The following CALHM1 variants were observed in gnomAD, a reference collection of about 807,000 sequenced individuals.
The protein encoded by CALHM1 is calcium homeostasis modulator protein 1.
CALHM1 carries 11 observed loss-of-function variants against 14.8 expected under a neutral mutation model. The observed-to-expected ratio is 0.74, with a 90% confidence interval of 0.47 to 1.23. The LOEUF is 1.23. Among genes scored for constraint, CALHM1 ranks in the 50% most tolerant of loss-of-function variants. The pLI, the probability that CALHM1 is intolerant of heterozygous loss-of-function variation, is 0.00. For synonymous variants in CALHM1, 215 were observed against 218.9 expected (o/e 0.98, Z 0.16); for missense variants, 458 against 496.4 (o/e 0.92, Z 0.74).
chr10:103,458,797 C>A lies in CALHM1; in HGVS notation c.-46G>T. ...TCCTCTTCCCAACTCACTGCTGCCTCCAAGAGGGCCCCTGCTGCCCACCCT... is the reference window on the plus strand; with the variant it reads ...TCCTCTTCCCAACTCACTGCTGCCTACAAGAGGGCCCCTGCTGCCCACCCT... On this transcript the variant is annotated 5_prime_UTR_variant, in exon 1 of 2. Transcript: ENST00000329905. The surrounding 1 kb of genome is among the most constrained non-coding windows in gnomAD (Gnocchi z 4.9). 2.6e-6 allele frequency: 4 copies of A among 1,539,628 alleles called. No homozygotes were observed. The highest frequency in any genetic ancestry group is 2.6e-6 in the Non-Finnish European group (3 of 1,146,532).
intron 1 of CALHM1, among the ~76,000 whole-genome samples, chr10:103,456,775 TTTTTA>T (rs1161477128): frequency 9.2e-5 from 14 of 152,206 alleles, no homozygotes; most frequent in Non-Finnish European, 1.5e-5. Flanking sequence ...AAAATTCCGA[TTTTTA>T]TTTTAATCTT....
intron 1 of CALHM1, among the ~76,000 whole-genome samples, chr10:103,457,149 T>A (rs1214459559): frequency 6.6e-6 from 1 of 152,168 alleles, no homozygotes; most frequent in Non-Finnish European, 1.5e-5. Flanking sequence ...AATCTAGAAT[T>A]CAGTCTCTGA....
chr10:103,456,824 C>T (rs1406074300), intron 1 of CALHM1, among the ~76,000 whole-genome samples: 3 of 152,192 alleles, frequency 2.0e-5, no homozygotes, highest in Non-Finnish European at 4.4e-5. Context: ...GGTCTTACTC[C>T]GTTACCCAAG....
Position 103,458,334 on chromosome 10 carries a change from T to C in CALHM1, c.418A>G (p.Asn140Asp). The C allele has an allele frequency of 1.2e-6, 2 of 1,610,940 alleles. No homozygotes were observed. Among genetic ancestry groups the C allele is most frequent in the Non-Finnish European group, 1.7e-6 (2 of 1,178,842 alleles). Reference sequence around the variant, plus strand: ...GGAAGGCCGGGTGCCAGGCTGCCGTTGCCCAGTGCGCTCACGGGCACGGCA... The same window carrying C: ...GGAAGGCCGGGTGCCAGGCTGCCGTCGCCCAGTGCGCTCACGGGCACGGCA... ...CTAVPVSALG[N>D]GSLAPGLPAP... is the part of the protein sequence containing the mutation. Residue 140 changes from asparagine (N) to aspartate (D), a missense_variant, in exon 1 of 2, where the codon AAC becomes GAC. By Grantham distance (23) the Asn-to-Asp change is conservative. Transcript: ENST00000329905. This position sits in a 1 kb window ranked among gnomAD's most constrained non-coding sequence, Gnocchi z 4.9.
At chr10:103,457,802 G>C (rs1164240344) in intron 1 of CALHM1, among the ~76,000 whole-genome samples, 3 of 152,210 alleles carry the variant, frequency 2.0e-5, no homozygotes, top group South Asian at 2.1e-4. Context: ...GCACCAGATG[G>C]GGGCATTTGC....
At chr10:103,457,541 G>A (rs578225264) in intron 1 of CALHM1, among the ~76,000 whole-genome samples, 3 of 152,244 alleles carry the variant, frequency 2.0e-5, no homozygotes, top group Admixed American at 1.3e-4. Flanking sequence ...CAGCTGTGAG[G>A]GCAGGCTGCC....
Position 103,455,581 on chromosome 10 carries a change from G to T in CALHM1, c.722C>A (p.Ala241Asp). ...CTGCTGGATGCAGACCTTGGCAAAG[G>T]CTTTGGCGTGCTCCGTGCACGTCTC... ...FDETCTEHAK[A>D]FAKVCIQQFF... is the part of the protein sequence containing the mutation. The change falls in exon 2 of 2, where the codon GCC (alanine) becomes GAC (aspartate). Residue 241 changes from alanine (A) to aspartate (D), a missense_variant. By Grantham distance (126) the Ala-to-Asp change is moderately radical (BLOSUM62 -2). Transcript: ENST00000329905. 2 of 1,614,054 alleles carry T rather than the reference G, an allele frequency of 1.2e-6. No homozygotes were observed. The highest frequency in any genetic ancestry group is 1.7e-5 in the Admixed American group (1 of 60,026).
In CALHM1 at chr10:103,458,612, C is replaced by T; in HGVS notation, c.140G>A (p.Gly47Asp). The T allele has an allele frequency of 6.2e-7, 1 of 1,613,976 alleles. No homozygotes were observed. The highest frequency in any genetic ancestry group is 1.1e-5 in the South Asian group (1 of 91,088). Residue 47 changes from glycine to aspartate, a missense_variant, in exon 1 of 2, where the codon GGC becomes GAC. By Grantham distance (94) the Gly-to-Asp change is moderately conservative. Coordinates refer to ENST00000329905, the MANE Select transcript of CALHM1 (RefSeq NM_001001412.4). This position sits in a 1 kb window ranked among gnomAD's most constrained non-coding sequence, Gnocchi z 4.9. ...AFDFNCPCLP[G>D]YNAAYSAGIL... ...GCCCGCGCTGTAGGCTGCATTGTAGCCCGGCAGGCAGGGGCAGTTGAAGTC... is the reference window on the plus strand; with the variant it reads ...GCCCGCGCTGTAGGCTGCATTGTAGTCCGGCAGGCAGGGGCAGTTGAAGTC...
At position 103,458,014 on chromosome 10, in the gene CALHM1, G is replaced by A. The variant is rs1018141563; in HGVS notation, c.555+183C>T. On this transcript the variant is annotated intron_variant, in intron 1 of 1. Transcript: ENST00000329905. This position sits in a 1 kb window ranked among gnomAD's most constrained non-coding sequence, Gnocchi z 4.9. Reference sequence around the variant, plus strand: ...CAGAGGGAGCCAAAGCACGTTCTCCGGATGGCCCTGGGCTGAGGGCAGATG... The same window carrying A: ...CAGAGGGAGCCAAAGCACGTTCTCCAGATGGCCCTGGGCTGAGGGCAGATG... 2.0e-5 allele frequency among the ~76,000 whole-genome samples: 3 copies of A among 152,226 alleles called. No homozygotes were observed. The highest frequency in any genetic ancestry group is 4.8e-5 in the African/African-American group (2 of 41,466).
rs1321127002 is a variant in CALHM1 at position 103,455,720 on chromosome 10, T to G, written c.583A>C (p.Thr195Pro). The change falls in exon 2 of 2, where the codon ACC (threonine) becomes CCC (proline). Residue 195 changes from threonine to proline, a missense_variant. Transcript: ENST00000329905. ...QALGWSFVLL[T>P]TLLAFVVRSV... ...CGCACCACGAATGCCAGCAGAGTGG[T>G]CAGCAGCACGAAGGACCAGCCCAGC... is the stretch of plus-strand genomic sequence containing the variant. 6.2e-7 allele frequency: 1 copy of G among 1,612,604 alleles called. No individual in the cohort carries two copies. The highest frequency in any genetic ancestry group is 8.5e-7 in the Non-Finnish European group (1 of 1,179,748).
Position 103,458,424 on chromosome 10 carries a change from C to T in CALHM1, c.328G>A (p.Ala110Thr), listed in dbSNP as rs759452077. Residue 110 changes from alanine to threonine, a missense_variant, in exon 1 of 2, where the codon GCG becomes ACG. By Grantham distance (58) the Ala-to-Thr change is moderately conservative. Transcript: ENST00000329905. This position sits in a 1 kb window ranked among gnomAD's most constrained non-coding sequence, Gnocchi z 4.9. The stretch of plus-strand genomic sequence containing the variant: ...GTGACGGCCACCCAGACGACAGGCG[C>T]GATGAGGGCGCGCTGGGCCATGGAG... ...FCSMAQRALI[A>T]PVVWVAVTLL... 1.8e-5 allele frequency: 29 copies of T among 1,609,674 alleles called. No individual in the cohort carries two copies. The highest frequency in any genetic ancestry group is 3.3e-5 in the Admixed American group (2 of 59,860).
chr10:103,455,375 T>TGCATTTGTGCCAGCTC lies in CALHM1; in HGVS notation c.912_927dup (p.Lys310GlufsTer33), dbSNP rs1255203938. 1 of 1,613,806 alleles carries TGCATTTGTGCCAGCTC rather than the reference T, an allele frequency of 6.2e-7. No homozygotes were observed. The highest frequency in any genetic ancestry group is 1.3e-5 in the African/African-American group (1 of 74,952). On this transcript the variant is annotated frameshift_variant, in exon 2 of 2. Transcript: ENST00000329905. LOFTEE classifies it high-confidence loss of function. ...TCCTGGCCCAGCCGCAGAGGCGGTT[T>TGCATTTGTGCCAGCTC]GCATTTGTGCCAGCTCGTGAGCAGC...
rs2033119973 is a variant in CALHM1 at position 103,454,615 on chromosome 10, A to C, written c.*647T>G. 1 of 152,434 alleles carries C rather than the reference A, an allele frequency of 6.6e-6. No individual in the cohort carries two copies. Among genetic ancestry groups the C allele is most frequent in the Admixed American group, 6.5e-5 (1 of 15,284 alleles). 9.4% of individuals were successfully genotyped at this position (152,434 alleles called of 1,614,324 possible). A position where few individuals can be genotyped will look rare whatever the true frequency, so the allele number is the denominator to read the frequency against. On this transcript the variant is annotated 3_prime_UTR_variant, in exon 2 of 2. Transcript: ENST00000329905. ...TTTGTGCTAAATAAACATGCAGTCC[A>C]CCTGGACAATTGTCACATGACCCCC...
In CALHM1 at chr10:103,458,455, CAT is replaced by C; in HGVS notation, c.295_296del (p.Met99ValfsTer64). The C allele has an allele frequency of 6.2e-7, 1 of 1,613,028 alleles. No homozygotes were observed. The highest frequency in any genetic ancestry group is 8.5e-7 in the Non-Finnish European group (1 of 1,179,826). On this transcript the variant is annotated frameshift_variant, in exon 1 of 2. Coordinates refer to ENST00000329905, the MANE Select transcript of CALHM1 (RefSeq NM_001001412.4). LOFTEE classifies it high-confidence loss of function. This position sits in a 1 kb window ranked among gnomAD's most constrained non-coding sequence, Gnocchi z 4.9. ...RAKDPAVLRYMFCSMAQRALI... is the reference protein window; with the variant it reads ...RAKDPAVLRYXFCSMAQRALI... Reference sequence around the variant, plus strand: ...GGGCGCGCTGGGCCATGGAGCAGAACATGTAGCGCAACACAGCGGGGTCCTTG... The same window carrying C: ...GGGCGCGCTGGGCCATGGAGCAGAACGTAGCGCAACACAGCGGGGTCCTTG...
In CALHM1 at chr10:103,455,193, C is replaced by T; in HGVS notation, c.*69G>A. The T allele has an allele frequency of 6.7e-7, 1 of 1,485,200 alleles. No individual in the cohort carries two copies. Among genetic ancestry groups the T allele is most frequent in the South Asian group, 1.4e-5 (1 of 72,656 alleles). The allele number at this position is 1,485,200 out of a possible 1,614,324, so 92.0% of individuals were successfully genotyped here. ...CCAGCACTGAAACCCTTCCTTTTTC[C>T]ACCTGGTTTGGGGGTTGGAGGGGCT... On this transcript the variant is annotated 3_prime_UTR_variant, in exon 2 of 2. Coordinates refer to ENST00000329905, the MANE Select transcript of CALHM1 (RefSeq NM_001001412.4).
In CALHM1 at chr10:103,455,665, G is replaced by A. The variant is rs746852964; in HGVS notation, c.638C>T (p.Ala213Val). Residue 213 changes from alanine (A) to valine (V), a missense_variant, in exon 2 of 2, where the codon GCC (alanine) becomes GTC (valine). Physicochemically the swap from Ala to Val is moderately conservative, Grantham distance 64 (BLOSUM62 0). Coordinates refer to ENST00000329905, the MANE Select transcript of CALHM1 (RefSeq NM_001001412.4). ...RSVRPCFTQA[A>V]FLKSKYWSHY... is the part of the protein sequence containing the mutation. ...GGACCAGTACTTGCTCTTGAGGAAG[G>A]CGGCCTGCGTGAAGCAGGGCCGCAC... 27 of 1,613,434 alleles carry A rather than the reference G, an allele frequency of 1.7e-5. No individual in the cohort carries two copies. The African/African-American group carries it at 3.3e-4, about 20-fold the overall frequency.
rs541355533 is a variant in CALHM1 at position 103,454,696 on chromosome 10, C to G, written c.*566G>C. On this transcript the variant is annotated 3_prime_UTR_variant, in exon 2 of 2. Coordinates refer to ENST00000329905, the MANE Select transcript of CALHM1 (RefSeq NM_001001412.4). ...GTGAACCTAGCTTCTGACATCTTGT[C>G]TCATCGCCTGTCACCCCAGGTGTGT... is the stretch of plus-strand genomic sequence containing the variant. The G allele has an allele frequency of 6.5e-6, 1 of 154,670 alleles. No homozygotes were observed. The highest frequency in any genetic ancestry group is 1.9e-4 in the East Asian group (1 of 5,218). 9.6% of individuals were successfully genotyped at this position (154,670 alleles called of 1,614,324 possible).
Position 103,458,327 on chromosome 10 carries a change from C to T in CALHM1, c.425G>A (p.Ser142Asn), listed in dbSNP as rs1350749951. Residue 142 changes from serine (S) to asparagine (N), a missense_variant, in exon 1 of 2, where the codon AGC (serine) becomes AAC (asparagine). Ser to Asn is a conservative substitution (Grantham distance 46, BLOSUM62 1). Coordinates refer to ENST00000329905, the MANE Select transcript of CALHM1 (RefSeq NM_001001412.4). This position sits in a 1 kb window ranked among gnomAD's most constrained non-coding sequence, Gnocchi z 4.9. The stretch of plus-strand genomic sequence containing the variant: ...GGGGGCAGGAAGGCCGGGTGCCAGG[C>T]TGCCGTTGCCCAGTGCGCTCACGGG... ...AVPVSALGNG[S>N]LAPGLPAPEL... The T allele has an allele frequency of 5.6e-6, 9 of 1,610,970 alleles. No individual in the cohort carries two copies. Among genetic ancestry groups the T allele is most frequent in the Non-Finnish European group, 7.6e-6 (9 of 1,179,022 alleles).
rs763535470 is a variant in CALHM1, at chr10:103,455,610, G to A, written c.693C>T (p.Phe231=). ...SHYIDIERKL[F]DETCTEHAKA... The stretch of plus-strand genomic sequence containing the variant: ...TGGCGTGCTCCGTGCACGTCTCGTC[G>A]AAGAGCTTGCGCTCGATGTCGATAT... The change falls in exon 2 of 2, where the codon TTC becomes TTT. Residue 231 remains phenylalanine, a synonymous_variant. Transcript: ENST00000329905. The A allele has an allele frequency of 1.7e-5, 27 of 1,613,822 alleles. No homozygotes were observed. The highest frequency in any genetic ancestry group is 1.1e-4 in the East Asian group (5 of 44,896).
Sources: allele counts gnomAD v4.1 joint callset (sites outside exome capture counted in the v4.1 genomes callset), GRCh38; gene constraint gnomAD v4.1.1; non-coding constraint Gnocchi (gnomAD v3.1); transcripts MANE v1.5; gene names NCBI Gene and HGNC (gene_info 2026-07-23, HGNC 2026-07-21).